Variants in SPPL2A observed in about 807,000 individuals in gnomAD.
SPPL2A encodes the protein signal peptide peptidase-like 2A.
SPPL2A carries 51 observed loss-of-function variants against 63.8 expected under a neutral mutation model. That is an observed-to-expected ratio of 0.80 (90% CI 0.64 to 1.01). The LOEUF (loss-of-function observed/expected upper bound fraction) is 1.01, where lower values mean the gene tolerates loss of function less well. SPPL2A is among the 50% of genes least tolerant of loss of function. SPPL2A has a pLI of 0.00. For synonymous variants in SPPL2A, 188 were observed against 205.8 expected, an observed-to-expected ratio of 0.91 and a Z score of 0.74; for missense variants, 553 against 622.7, an observed-to-expected ratio of 0.89 and a Z score of 1.19.
intron 12 of SPPL2A, among the ~76,000 whole-genome samples, chr15:50,724,025 C>T (rs2062667353): frequency 6.6e-6 from 1 of 151,820 alleles, no homozygotes; most frequent in Non-Finnish European, 1.5e-5. Flanking sequence ...CTTGTATAGC[C>T]CTTGGTGTGG....
intron 10 of SPPL2A, among the ~76,000 whole-genome samples, chr15:50,728,839 G>C: frequency 6.7e-6 from 1 of 149,234 alleles, no homozygotes; most frequent in Non-Finnish European, 1.5e-5. Flanking sequence ...TTTTGAGATG[G>C]AGTCTCGCTC....
chr15:50,726,003 C>G, intron 11 of SPPL2A: 1 of 1,055,358 alleles, frequency 9.5e-7, no homozygotes, highest in Non-Finnish European at 1.3e-6. Flanking sequence ...TTTTTTTCCC[C>G]CAAAGAAGAG....
chr15:50,734,709 G>C (rs1222978636), intron 8 of SPPL2A, among the ~76,000 whole-genome samples: 1 of 152,080 alleles, frequency 6.6e-6, no homozygotes, highest in Non-Finnish European at 1.5e-5. Flanking sequence ...AATGACAAAG[G>C]CTTGAGGTGA....
At chr15:50,757,124 C>T (rs991627876) in intron 1 of SPPL2A, among the ~76,000 whole-genome samples, 3 of 125,208 alleles carry the variant, frequency 2.4e-5, no homozygotes, top group Non-Finnish European at 3.3e-5. Flanking sequence ...ACTCTGTCGC[C>T]CAGGCTGGAG....
chr15:50,750,987 C>T (rs562013304), intron 1 of SPPL2A, among the ~76,000 whole-genome samples: 11 of 152,254 alleles, frequency 7.2e-5, no homozygotes, highest in East Asian at 5.8e-4. Flanking sequence ...TACAAGTCAA[C>T]GTAAGTTTCT....
chr15:50,717,394 A>G (rs2062606511), intron 14 of SPPL2A, among the ~76,000 whole-genome samples: 1 of 152,100 alleles, frequency 6.6e-6, no homozygotes, highest in East Asian at 1.9e-4. Context: ...GCTGCTCTCA[A>G]ACTCCTGGGG....
At position 50,702,848 on chromosome 15, in the gene SPPL2A, G is replaced by A. The variant is rs909770139; in HGVS notation, c.*4952C>T. On this transcript the variant is annotated 3_prime_UTR_variant, in exon 15 of 15. Coordinates refer to ENST00000261854, the MANE Select transcript of SPPL2A (RefSeq NM_032802.4). Reference sequence around the variant, plus strand: ...TGTCCTCAATATGGAAAGATTAAACGAGGACATTTATACTTATGATCTTCA... The same window carrying A: ...TGTCCTCAATATGGAAAGATTAAACAAGGACATTTATACTTATGATCTTCA... 1.3e-5 allele frequency: 2 copies of A among 152,046 alleles called. No homozygotes were observed. Among genetic ancestry groups the A allele is most frequent in the African/African-American group, 4.8e-5 (2 of 41,388 alleles). 9.4% of individuals were successfully genotyped at this position (152,046 alleles called of 1,614,324 possible).
chr15:50,732,606 G>T lies in SPPL2A; in HGVS notation c.1011C>A (p.Phe337Leu). The T allele has an allele frequency of 6.3e-7, 1 of 1,583,212 alleles. No individual in the cohort carries two copies. Among genetic ancestry groups the T allele is most frequent in the Non-Finnish European group, 8.7e-7 (1 of 1,153,540 alleles). Residue 337 changes from phenylalanine to leucine, a missense_variant, in exon 9 of 15, where the codon TTC becomes TTA. By Grantham distance (22) the Phe-to-Leu change is conservative. Transcript: ENST00000261854. ...NLIKTLKLPN[F>L]KSCVILLGLL... ...AAAGTAGTATTGTATACATTACCTTGAAGTTGGGCAACTTCAGTGTTTTAA... is the reference window on the plus strand; with the variant it reads ...AAAGTAGTATTGTATACATTACCTTTAAGTTGGGCAACTTCAGTGTTTTAA...
Position 50,739,696 on chromosome 15 carries a change from G to T in SPPL2A, c.717C>A (p.Phe239Leu), listed in dbSNP as rs776057471. 3.8e-6 allele frequency: 6 copies of T among 1,580,820 alleles called. No homozygotes were observed. Among genetic ancestry groups the T allele is most frequent in the Non-Finnish European group, 5.1e-6 (6 of 1,167,838 alleles). The change falls in exon 6 of 15, where the codon TTC (phenylalanine) becomes TTA (leucine). Residue 239 changes from phenylalanine (F) to leucine (L), a missense_variant. Transcript: ENST00000261854. ...ACTTCTTACCCAACCATTTGTAGAAGAAATAAAGTAAGACCATCATAACAC... is the reference window on the plus strand; with the variant it reads ...ACTTCTTACCCAACCATTTGTAGAATAAATAAAGTAAGACCATCATAACAC... ...ICCVMMVLLYFFYKWLVYVMI... is the reference protein window; with the variant it reads ...ICCVMMVLLYLFYKWLVYVMI...
chr15:50,715,213 G>T (rs2062591623), intron 14 of SPPL2A, among the ~76,000 whole-genome samples: 1 of 152,002 alleles, frequency 6.6e-6, no homozygotes, highest in South Asian at 2.1e-4. Flanking sequence ...GCCCAGGCTG[G>T]TCTCGAACTC....
At position 50,702,437 on chromosome 15, in the gene SPPL2A, TATTA is replaced by T. The variant is rs1215106495; in HGVS notation, c.*5359_*5362del. 3 of 152,176 alleles carry T rather than the reference TATTA, an allele frequency of 2.0e-5. No homozygotes were observed. Among genetic ancestry groups the T allele is most frequent in the African/African-American group, 4.8e-5 (2 of 41,452 alleles). The allele number at this position is 152,176 out of a possible 1,614,324, so 9.4% of individuals were successfully genotyped here. A position where few individuals can be genotyped will look rare whatever the true frequency, so the allele number is the denominator to read the frequency against. On this transcript the variant is annotated 3_prime_UTR_variant, in exon 15 of 15. Transcript: ENST00000261854. ...ATAAAGCCTAGTAGTGTTATAAAAG[TATTA>T]ATTTACACTAACTTACATATCAAAG...
intron 11 of SPPL2A, 22 bp downstream of exon 11, chr15:50,726,299 T>C (rs781452685): frequency 1.2e-6 from 2 of 1,611,250 alleles, no homozygotes; most frequent in East Asian, 4.5e-5. Context: ...GATAGCCATT[T>C]CTATTTCATT....
At chr15:50,708,991 C>T (rs531175616) in intron 14 of SPPL2A, among the ~76,000 whole-genome samples, 1 of 151,728 alleles carries the variant, frequency 6.6e-6, no homozygotes, top group Admixed American at 6.6e-5. Flanking sequence ...GAGCCGAGAT[C>T]GTGCTACTGC....
chr15:50,723,449 T>C (rs1441470467), intron 12 of SPPL2A, among the ~76,000 whole-genome samples: 2 of 152,122 alleles, frequency 1.3e-5, no homozygotes, highest in African/African-American at 2.4e-5. Flanking sequence ...ATGTGGTACA[T>C]ACACAGACTG....
At chr15:50,744,513 G>C (rs143986664) in intron 5 of SPPL2A, among the ~76,000 whole-genome samples, 1 of 152,222 alleles carries the variant, frequency 6.6e-6, no homozygotes, top group Admixed American at 6.5e-5. Flanking sequence ...TTTTCATTGA[G>C]AGTTATGAAT....
At chr15:50,729,105 C>T (rs1435060418) in intron 10 of SPPL2A, among the ~76,000 whole-genome samples, 1 of 152,104 alleles carries the variant, frequency 6.6e-6, no homozygotes, top group Non-Finnish European at 1.5e-5. Flanking sequence ...TGAGCCACCG[C>T]ACCCGGCCTC....
At chr15:50,722,333 T>G in intron 12 of SPPL2A, 132 bp from the exon 13 acceptor site, 1 of 542,036 alleles carries the variant, frequency 1.8e-6, no homozygotes, top group South Asian at 2.8e-5. Context: ...TACCTCAAAT[T>G]CTTGACAAAA....
At chr15:50,749,589 T>G (rs375858820) in intron 2 of SPPL2A, 47 bp downstream of exon 2, 62 of 1,277,474 alleles carry the variant, frequency 4.9e-5, no homozygotes, top group Non-Finnish European at 6.3e-5. Flanking sequence ...CCCAGCCTCC[T>G]TCTTCACTAT....
chr15:50,744,468 C>G (rs1316499128), intron 5 of SPPL2A, among the ~76,000 whole-genome samples: 1 of 152,070 alleles, frequency 6.6e-6, no homozygotes, highest in Non-Finnish European at 1.5e-5. Context: ...ATATTTTGCC[C>G]TTCATACATG....
Sources: allele counts gnomAD v4.1 joint callset (sites outside exome capture counted in the v4.1 genomes callset), GRCh38; gene constraint gnomAD v4.1.1; transcripts MANE v1.5; gene names NCBI Gene and HGNC (gene_info 2026-07-23, HGNC 2026-07-21).